The following ATP5F1A variants were observed in gnomAD, a reference collection of about 807,000 sequenced individuals.
The protein encoded by ATP5F1A is ATP synthase F1 subunit alpha.
A neutral mutation model predicts 57.4 loss-of-function variants in ATP5F1A; 24 were observed. That is an observed-to-expected ratio of 0.42 (90% CI 0.30 to 0.59). The LOEUF (loss-of-function observed/expected upper bound fraction) is 0.59. Ranked by LOEUF, ATP5F1A falls within the 20% of genes least tolerant of loss-of-function variation. ATP5F1A has a pLI of 0.19. For missense variants in ATP5F1A, 494 were observed against 707.9 expected, an observed-to-expected ratio of 0.70 and a Z score of 3.43; for synonymous variants, 251 against 255.5, an observed-to-expected ratio of 0.98 and a Z score of 0.17.
chr18:46,084,454 C>T, intron 11 of ATP5F1A, 50 bp downstream of exon 11: 2 of 1,574,776 alleles, frequency 1.3e-6, no homozygotes, highest in Non-Finnish European at 1.7e-6. Flanking sequence ...ATTTTAACTT[C>T]ATATCTTAAA....
intron 6 of ATP5F1A, 142 bp downstream of exon 6, chr18:46,087,967 T>C (rs773366672): frequency 4.4e-5 from 37 of 844,720 alleles, no homozygotes; most frequent in Admixed American, 4.1e-4. Flanking sequence ...CTGTTTTACA[T>C]TGTCTTACCT....
In ATP5F1A at chr18:46,084,517, A is replaced by G. The variant is rs748813517; in HGVS notation, c.1567T>C (p.Leu523=). ...TTGCATTCATACCTGATAGTGCCCA[A>G]CAAGGCTTGGTGCTGGCTGACGACA... is the stretch of plus-strand genomic sequence containing the variant. The part of the protein sequence containing the change: ...SHVVSQHQAL[L]GTIRADGKIS... The change falls in exon 11 of 12, where the codon TTG becomes CTG. Residue 523 remains leucine (L), a synonymous_variant. Coordinates refer to ENST00000398752, the MANE Select transcript of ATP5F1A (RefSeq NM_004046.6). 9.0e-5 allele frequency: 144 copies of G among 1,599,196 alleles called. No individual in the cohort carries two copies. Among genetic ancestry groups the G allele is most frequent in the Middle Eastern group, 1.7e-4 (1 of 5,996 alleles).
At chr18:46,095,238 C>T (rs1252258682) in intron 1 of ATP5F1A, 107 bp from the exon 2 acceptor site, 8 of 999,166 alleles carry the variant, frequency 8.0e-6, no homozygotes, top group Non-Finnish European at 8.8e-6. Flanking sequence ...GGTGAAAATG[C>T]TAATTACATA....
At chr18:46,102,091 G>C (rs535750729), upstream of ATP5F1A, among the ~76,000 whole-genome samples, 340 of 151,074 alleles carry the variant, frequency 2.3e-3, 1 homozygote, top group Non-Finnish European at 3.7e-3. Flanking sequence ...GGAGAATGGC[G>C]TGAACCCGGG....
chr18:46,084,501 T>C lies in ATP5F1A; in HGVS notation c.1580+3A>G, dbSNP rs1909940882. Reference sequence around the variant, plus strand: ...AAAAAGATGCCAACAATTGCATTCATACCTGATAGTGCCCAACAAGGCTTG... The same window carrying C: ...AAAAAGATGCCAACAATTGCATTCACACCTGATAGTGCCCAACAAGGCTTG... On this transcript the variant is annotated splice_donor_region_variant and intron_variant, in intron 11 of 11. Coordinates refer to ENST00000398752, the MANE Select transcript of ATP5F1A (RefSeq NM_004046.6). 6.3e-7 allele frequency: 1 copy of C among 1,590,984 alleles called. No homozygotes were observed.
chr18:46,089,517 C>T (rs1401509680), intron 5 of ATP5F1A, 49 bp downstream of exon 5: 2 of 1,601,374 alleles, frequency 1.2e-6, no homozygotes, highest in Admixed American at 3.4e-5. Flanking sequence ...ATAATCCTTC[C>T]ATTGAGCAAA....
upstream of ATP5F1A, among the ~76,000 whole-genome samples, chr18:46,101,090 A>T (rs1356475768): frequency 6.6e-6 from 1 of 152,044 alleles, no homozygotes; most frequent in Non-Finnish European, 1.5e-5. Flanking sequence ...CAAACAAAAA[A>T]ACTGGTTTAG....
chr18:46,089,543 T>C (rs780548887), intron 5 of ATP5F1A, 23 bp downstream of exon 5: 3 of 1,610,622 alleles, frequency 1.9e-6, no homozygotes, highest in African/African-American at 2.7e-5. Flanking sequence ...GTTAGAACTT[T>C]TAATATGCTT....
At chr18:46,093,701 G>A (rs1467210622) in intron 2 of ATP5F1A, among the ~76,000 whole-genome samples, 2 of 152,076 alleles carry the variant, frequency 1.3e-5, no homozygotes, top group Non-Finnish European at 2.9e-5. Context: ...GTGCGTGCCT[G>A]TAATCCTAGC....
At chr18:46,104,030 G>T (rs941314796) in intron 1 of ATP5F1A, 3 of 208,182 alleles carry the variant, frequency 1.4e-5, no homozygotes, top group Non-Finnish European at 2.8e-5. Context: ...AATCAATGTG[G>T]AAGAAACACA....
At chr18:46,099,418 T>C (rs368855426), upstream of ATP5F1A, 13 of 152,086 alleles carry the variant, frequency 8.5e-5, no homozygotes, top group African/African-American at 2.2e-4. Context: ...TGGACACTTA[T>C]TAACGTTGCC....
At position 46,098,276 on chromosome 18, in the gene ATP5F1A, C is replaced by T; in HGVS notation, c.-45G>A. On this transcript the variant is annotated 5_prime_UTR_variant, in exon 1 of 12. Coordinates refer to ENST00000398752, the MANE Select transcript of ATP5F1A (RefSeq NM_004046.6). ...GCGGTACTTCTGCAGCCGCAGCCTC[C>T]GGACTGACTGGGACAAAATGGCCGA... 1 of 1,577,224 alleles carries T rather than the reference C, an allele frequency of 6.3e-7. No individual in the cohort carries two copies.
upstream of ATP5F1A, among the ~76,000 whole-genome samples, chr18:46,102,055 T>C (rs1911290798): frequency 6.6e-6 from 1 of 151,054 alleles, no homozygotes; most frequent in South Asian, 2.1e-4. Context: ...GCACCTGTAG[T>C]CCCAGCTACT....
At position 46,081,673 on chromosome 18, in the gene ATP5F1A, C is replaced by CAAAAAA. The variant is rs1159742250; in HGVS notation, c.*2603_*2608dup. On this transcript the variant is annotated 3_prime_UTR_variant, in exon 12 of 12. Coordinates refer to ENST00000398752, the MANE Select transcript of ATP5F1A (RefSeq NM_004046.6). ...GAGCAAAACTCTCAAAAAAAAAAAA[C>CAAAAAA]AAAAAAAAAAAAAAAAAAAAAAAAC... The CAAAAAA allele has an allele frequency of 4.0e-5, 3 of 75,454 alleles. No homozygotes were observed. The highest frequency in any genetic ancestry group is 4.6e-5 in the African/African-American group (1 of 21,648). The allele number at this position is 75,454 out of a possible 1,614,324, so 4.7% of individuals were successfully genotyped here.
chr18:46,090,685 A>C (rs184076259), intron 3 of ATP5F1A, among the ~76,000 whole-genome samples: 1 of 152,210 alleles, frequency 6.6e-6, no homozygotes, highest in Non-Finnish European at 1.5e-5. Flanking sequence ...ACTTTAACCT[A>C]CATCTCTGAT....
At chr18:46,103,974 C>T (rs1468600055) in intron 1 of ATP5F1A, among the ~76,000 whole-genome samples, 1 of 152,078 alleles carries the variant, frequency 6.6e-6, no homozygotes, top group Non-Finnish European at 1.5e-5. Flanking sequence ...GTTAAGATTG[C>T]CTCAGCTCAT....
chr18:46,089,361 G>A (rs986656618), intron 5 of ATP5F1A: 60 of 585,810 alleles, frequency 1.0e-4, no homozygotes, highest in African/African-American at 5.5e-4. Flanking sequence ...ATGCTCTACC[G>A]ACTGAGCTAG....
rs759347281 is a variant in ATP5F1A at position 46,098,185 on chromosome 18, CGAG to C, written c.44_46del (p.Pro15del). On this transcript the variant is annotated inframe_deletion, in exon 1 of 12. Transcript: ENST00000398752. Reference sequence around the variant, plus strand: ...TTCGGTGCTCACCAGTCCGGCCCGCCGAGGAAGGGCGCGGACCACGGCCGCAGC... The same window carrying C: ...TTCGGTGCTCACCAGTCCGGCCCGCCGAAGGGCGCGGACCACGGCCGCAGC... 5.6e-6 allele frequency: 9 copies of C among 1,605,396 alleles called. No homozygotes were observed. Among genetic ancestry groups the C allele is most frequent in the Non-Finnish European group, 5.9e-6 (7 of 1,178,850 alleles).
chr18:46,098,524 C>A, upstream of ATP5F1A: 4 of 624,184 alleles, frequency 6.4e-6, no homozygotes, highest in Non-Finnish European at 8.0e-6. Flanking sequence ...TTGAGTCGAC[C>A]TTGTGGTTGC....
Sources: allele counts gnomAD v4.1 joint callset (sites outside exome capture counted in the v4.1 genomes callset), GRCh38; gene constraint gnomAD v4.1.1; transcripts MANE v1.5; gene names NCBI Gene and HGNC (gene_info 2026-07-23, HGNC 2026-07-21).